Variants in MOB3B observed in about 807,000 individuals in gnomAD.
MOB3B encodes MOB kinase activator 3B, also known as MOB kinase activator-like 2B.
Under a neutral mutation model 18.7 loss-of-function variants are expected in MOB3B, and 7 were observed. The ratio of observed to expected loss-of-function variants is 0.37; its 90% CI spans 0.21 to 0.70. MOB3B has a LOEUF of 0.70. MOB3B is among the 30% of genes least tolerant of loss of function. The probability of loss-of-function intolerance (pLI) is 0.52; values close to 1 mark genes in which losing one functional copy is unlikely to be tolerated. For missense variants in MOB3B, 253 were observed against 281.3 expected (o/e 0.90, Z 0.72); for synonymous variants, 111 against 99.9 (o/e 1.11, Z -0.66).
chr9:27,395,202 T>C (rs1821781627), intron 2 of MOB3B, among the ~76,000 whole-genome samples: 2 of 152,140 alleles, frequency 1.3e-5, no homozygotes, highest in Non-Finnish European at 1.5e-5. Flanking sequence ...AAGTTTCAGT[T>C]AGGAGGAAAA....
In MOB3B at chr9:27,342,947, C is replaced by G. The variant is rs543000352; in HGVS notation, c.622-12331G>C. ...CACCCATCGTCTGGGAAGTGAGGAG[C>G]CCCTCTGCCCGGCCGCCACCCCGTC... On this transcript the variant is annotated intron_variant, in intron 3 of 3. Transcript: ENST00000262244. Among the ~76,000 whole-genome samples, 379 of 150,404 alleles carry G rather than the reference C, an allele frequency of 2.5e-3. 20 individuals are homozygous for G. Among genetic ancestry groups the G allele is most frequent in the African/African-American group, 9.0e-3 (361 of 40,272 alleles).
At chr9:27,524,178 G>T in intron 1 of MOB3B, 8 of 307,884 alleles carry the variant, frequency 2.6e-5, no homozygotes, top group Non-Finnish European at 4.4e-5. Context: ...AAAAGCCTCA[G>T]AGGCAAAGGA....
At position 27,328,978 on chromosome 9, in the gene MOB3B, C is replaced by T. The variant is rs951084775; in HGVS notation, c.*1609G>A. On this transcript the variant is annotated 3_prime_UTR_variant, in exon 4 of 4. Transcript: ENST00000262244. Reference sequence around the variant, plus strand: ...GAGATGACCTTTACGAGACACAAAGCAAGGTTCAGGCTGCTTGGTTAGGTC... The same window carrying T: ...GAGATGACCTTTACGAGACACAAAGTAAGGTTCAGGCTGCTTGGTTAGGTC... 1.3e-5 allele frequency: 2 copies of T among 152,518 alleles called. No individual in the cohort carries two copies. Among genetic ancestry groups the T allele is most frequent in the African/African-American group, 4.8e-5 (2 of 41,420 alleles). The allele number at this position is 152,518 out of a possible 1,614,324, so 9.4% of individuals were successfully genotyped here.
At chr9:27,354,690 A>T (rs1671854956) in intron 3 of MOB3B, among the ~76,000 whole-genome samples, 1 of 152,230 alleles carries the variant, frequency 6.6e-6, no homozygotes, top group African/African-American at 2.4e-5. Context: ...CATATTAAGC[A>T]TTTATTAGGT....
intron 1 of MOB3B, among the ~76,000 whole-genome samples, chr9:27,475,620 A>C (rs1240072658): frequency 6.6e-6 from 1 of 152,256 alleles, no homozygotes; most frequent in Non-Finnish European, 1.5e-5. Flanking sequence ...GAAAATCAAA[A>C]AGCAAATTGC....
chr9:27,462,759 C>T (rs897178670), intron 1 of MOB3B, among the ~76,000 whole-genome samples: 5 of 152,202 alleles, frequency 3.3e-5, no homozygotes, highest in African/African-American at 1.2e-4. Context: ...ACTAAGTGAA[C>T]TTGAGTCTCA....
At chr9:27,466,261 C>A (rs1429178960) in intron 1 of MOB3B, among the ~76,000 whole-genome samples, 1 of 152,220 alleles carries the variant, frequency 6.6e-6, no homozygotes, top group African/African-American at 2.4e-5. Context: ...GGCCACCAGT[C>A]TCTTTGCTAA....
At chr9:27,336,775 T>C (rs1043257870) in intron 3 of MOB3B, among the ~76,000 whole-genome samples, 2 of 152,108 alleles carry the variant, frequency 1.3e-5, no homozygotes, top group Non-Finnish European at 2.9e-5. Context: ...CGCACACGTG[T>C]ATACTCATGC....
intron 1 of MOB3B, among the ~76,000 whole-genome samples, chr9:27,478,465 A>T (rs1819594539): frequency 6.6e-6 from 1 of 152,214 alleles, no homozygotes; most frequent in African/African-American, 2.4e-5. Context: ...AACAAAGGGC[A>T]ACTTTGAAAA....
At chr9:27,510,510 A>T (rs1386332880) in intron 1 of MOB3B, among the ~76,000 whole-genome samples, 1 of 152,226 alleles carries the variant, frequency 6.6e-6, no homozygotes, top group East Asian at 1.9e-4. Flanking sequence ...AAAAGTATGT[A>T]GTCAAATAAG....
At position 27,434,015 on chromosome 9, in the gene MOB3B, T is replaced by TA. The variant is rs1282748919; in HGVS notation, c.418+21117dup. ...CATCATGAGGGAATGGAAATAGAAC[T>TA]AAAAAATCCAGACTCAGGGTATTTG... On this transcript the variant is annotated intron_variant, in intron 2 of 3. Coordinates refer to ENST00000262244, the MANE Select transcript of MOB3B (RefSeq NM_024761.5). Among the ~76,000 whole-genome samples the TA allele has an allele frequency of 1.7e-4, 26 of 152,244 alleles. No homozygotes were observed. The South Asian group carries it at 2.7e-3, about 16-fold the overall frequency.
At chr9:27,528,019 C>A (rs1820462638) in intron 1 of MOB3B, among the ~76,000 whole-genome samples, 1 of 152,138 alleles carries the variant, frequency 6.6e-6, no homozygotes, top group Non-Finnish European at 1.5e-5. Context: ...GTGCTCTAGC[C>A]GTATCTGTGT....
intron 1 of MOB3B, among the ~76,000 whole-genome samples, chr9:27,516,087 G>C (rs1320521125): frequency 6.6e-6 from 1 of 152,182 alleles, no homozygotes; most frequent in Non-Finnish European, 1.5e-5. Context: ...AGAACACTAA[G>C]TACTACCAGC....
intron 1 of MOB3B, among the ~76,000 whole-genome samples, chr9:27,461,584 T>C (rs760043166): frequency 2.0e-5 from 3 of 152,246 alleles, no homozygotes; most frequent in Non-Finnish European, 4.4e-5. Context: ...CAGATGAAGT[T>C]AGTACAAATA....
In MOB3B at chr9:27,455,586, C is replaced by G. The variant is rs62542376; in HGVS notation, c.-36G>C. 263,014 of 1,611,404 alleles carry G rather than the reference C, an allele frequency of 0.16. 23,939 individuals are homozygous for G. The highest frequency in any genetic ancestry group is 0.2 in the Middle Eastern group (1,163 of 5,742). ...TTCGCTTCCTTTCTTTTGCAGGAAG[C>G]GAAAAGGCACCTGGAACTTTTCAGG... is the stretch of plus-strand genomic sequence containing the variant. On this transcript the variant is annotated 5_prime_UTR_variant, in exon 2 of 4. Transcript: ENST00000262244.
At chr9:27,456,667 C>A (rs1822875544) in intron 1 of MOB3B, among the ~76,000 whole-genome samples, 1 of 152,184 alleles carries the variant, frequency 6.6e-6, no homozygotes, top group South Asian at 2.1e-4. Flanking sequence ...AATGTGCCGT[C>A]CTTTATACCC....
chr9:27,420,589 A>T (rs1822232294), intron 2 of MOB3B, among the ~76,000 whole-genome samples: 1 of 113,180 alleles, frequency 8.8e-6, no homozygotes, highest in Admixed American at 8.9e-5. Flanking sequence ...ATATATATAT[A>T]TATATATGGA....
At chr9:27,391,212 G>A (rs569936961) in intron 2 of MOB3B, among the ~76,000 whole-genome samples, 1 of 152,298 alleles carries the variant, frequency 6.6e-6, no homozygotes, top group Non-Finnish European at 1.5e-5. Context: ...TTCACAGGAT[G>A]GTGTTTGGCT....
At chr9:27,467,197 A>T (rs1310771543) in intron 1 of MOB3B, among the ~76,000 whole-genome samples, 1 of 152,236 alleles carries the variant, frequency 6.6e-6, no homozygotes, top group Non-Finnish European at 1.5e-5. Flanking sequence ...AAGACTGAAA[A>T]GAGGTCTACC....
Sources: allele counts gnomAD v4.1 joint callset (sites outside exome capture counted in the v4.1 genomes callset), GRCh38; gene constraint gnomAD v4.1.1; transcripts MANE v1.5; gene names NCBI Gene and HGNC (gene_info 2026-07-23, HGNC 2026-07-21).